Variants in ABI2 observed in about 807,000 individuals in gnomAD.
ABI2 encodes abelson interactor 2.
A neutral mutation model predicts 59.2 loss-of-function variants in ABI2; 25 were observed. The observed-to-expected ratio is 0.42, with a 90% confidence interval of 0.31 to 0.59. ABI2 has a LOEUF of 0.59. ABI2 is among the 20% of genes least tolerant of loss of function. ABI2 has a pLI of 0.14. For synonymous variants in ABI2, 213 were observed against 235.5 expected (o/e 0.90, Z 0.87); for missense variants, 545 against 681.8 (o/e 0.80, Z 2.23).
rs555096710 is a variant in ABI2 at position 203,394,900 on chromosome 2, C to G, written c.725+54C>G. The G allele has an allele frequency of 2.9e-5, 45 of 1,569,338 alleles. No individual in the cohort carries two copies. The African/African-American group carries it at 5.7e-4, about 20-fold the overall frequency. ...GATGGTCATAGTACCATAATCTGTTCAGATTACTTCAGGTAAATCTCTCAT... is the reference window on the plus strand; with the variant it reads ...GATGGTCATAGTACCATAATCTGTTGAGATTACTTCAGGTAAATCTCTCAT... On this transcript the variant is annotated intron_variant, in intron 6 of 11. Transcript: ENST00000261018.
intron 1 of ABI2, among the ~76,000 whole-genome samples, chr2:203,356,144 A>T (rs928784275): frequency 6.6e-6 from 1 of 151,992 alleles, no homozygotes; most frequent in Non-Finnish European, 1.5e-5. Flanking sequence ...CTGCACACTT[A>T]ATGAGTGCAG....
chr2:203,419,412 A>G (rs535351739), intron 11 of ABI2, among the ~76,000 whole-genome samples: 2 of 147,542 alleles, frequency 1.4e-5, no homozygotes, highest in East Asian at 4.1e-4. Flanking sequence ...TCTGTCGCCC[A>G]GGCTGGAGTG....
intron 5 of ABI2, among the ~76,000 whole-genome samples, chr2:203,393,102 A>C (rs868093045): frequency 5.9e-5 from 9 of 152,114 alleles, no homozygotes; most frequent in Non-Finnish European, 1.2e-4. Context: ...GTTGTACAAT[A>C]TTGGCTCACT....
At chr2:203,332,714 T>C (rs1215746763) in intron 1 of ABI2, among the ~76,000 whole-genome samples, 1 of 152,244 alleles carries the variant, frequency 6.6e-6, no homozygotes, top group Non-Finnish European at 1.5e-5. Flanking sequence ...ATCTACGTTT[T>C]TACAAATAGA....
rs769025104 is a variant in ABI2, at chr2:203,328,487, TGAG to T, written c.-10_-8del. 3,651 of 1,460,068 alleles carry T rather than the reference TGAG, an allele frequency of 2.5e-3. No individual in the cohort carries two copies. The highest frequency in any genetic ancestry group is 2.8e-3 in the Non-Finnish European group (2,953 of 1,066,086). The allele number at this position is 1,460,068 out of a possible 1,614,324, so 90.4% of individuals were successfully genotyped here. On this transcript the variant is annotated 5_prime_UTR_variant, in exon 1 of 12. In the 5' UTR this introduces an upstream ATG that the reference lacks. Transcript: ENST00000261018. ...GCCGCCGCTCCCTCTGCGACCTGTA[TGAG>T]GAGGAGGAGGAGGAGGATGTGAAGA...
chr2:203,395,181 A>T, intron 6 of ABI2: 1 of 690,456 alleles, frequency 1.4e-6, no homozygotes, highest in Non-Finnish European at 2.6e-6. Flanking sequence ...ATAAAACATT[A>T]ATATGGGATA....
intron 7 of ABI2, among the ~76,000 whole-genome samples, chr2:203,396,426 C>T (rs1021046446): frequency 7.9e-5 from 12 of 151,970 alleles, no homozygotes; most frequent in Non-Finnish European, 1.6e-4. Flanking sequence ...TTGTGTAATT[C>T]AAAATGGAAA....
chr2:203,399,669 C>T (rs2097143199), intron 8 of ABI2, among the ~76,000 whole-genome samples: 1 of 152,086 alleles, frequency 6.6e-6, no homozygotes, highest in Admixed American at 6.5e-5. Context: ...CACCCACCAC[C>T]ATGCCCAGCT....
intron 2 of ABI2, among the ~76,000 whole-genome samples, chr2:203,374,486 G>C (rs190678718): frequency 1.1e-4 from 14 of 132,428 alleles, no homozygotes; most frequent in Non-Finnish European, 2.0e-4. Flanking sequence ...GTGGCAAAGC[G>C]AGACTCTGTC....
intron 1 of ABI2, among the ~76,000 whole-genome samples, chr2:203,332,817 T>C (rs188258242): frequency 1.3e-5 from 2 of 152,320 alleles, no homozygotes; most frequent in African/African-American, 4.8e-5. Flanking sequence ...AGCCAACTTG[T>C]TGATATGTAC....
intron 5 of ABI2, 157 bp from the exon 6 acceptor site, chr2:203,394,543 G>A (rs2096896324): frequency 1.5e-6 from 1 of 655,566 alleles, no homozygotes; most frequent in Non-Finnish European, 2.6e-6. Flanking sequence ...TGGTGGAGAA[G>A]TGATACATTA....
chr2:203,376,262 A>G (rs1422549520), intron 2 of ABI2: 4 of 607,622 alleles, frequency 6.6e-6, no homozygotes, highest in Non-Finnish European at 8.4e-6. Context: ...GGGGAGTGCT[A>G]CAGTTATCTA....
Position 203,430,529 on chromosome 2 carries a change from A to G in ABI2, c.*3177A>G, listed in dbSNP as rs1025277108. 6.6e-6 allele frequency: 1 copy of G among 152,268 alleles called. No individual in the cohort carries two copies. The highest frequency in any genetic ancestry group is 1.5e-5 in the Non-Finnish European group (1 of 68,044). 9.4% of individuals were successfully genotyped at this position (152,268 alleles called of 1,614,324 possible). ...CCAAGGCAATAAATCAGAAACAAAAATAGTGCCAATGTGTCAAAATCGACA... is the reference window on the plus strand; with the variant it reads ...CCAAGGCAATAAATCAGAAACAAAAGTAGTGCCAATGTGTCAAAATCGACA... On this transcript the variant is annotated 3_prime_UTR_variant, in exon 12 of 12. Coordinates refer to ENST00000261018, the MANE Select transcript of ABI2 (RefSeq NM_001375670.1).
chr2:203,399,795 G>A (rs773397612), intron 8 of ABI2, among the ~76,000 whole-genome samples: 21 of 152,322 alleles, frequency 1.4e-4, no homozygotes, highest in Non-Finnish European at 1.0e-4. Context: ...GATTACAGGC[G>A]TGAGCCACTG....
chr2:203,336,707 A>G (rs1167527993), intron 1 of ABI2, among the ~76,000 whole-genome samples: 2 of 152,164 alleles, frequency 1.3e-5, no homozygotes, highest in African/African-American at 4.8e-5. Flanking sequence ...TGTATCTTTT[A>G]CTACTATTCC....
rs1457871959 is a variant in ABI2, at chr2:203,427,634, A to G, written c.*282A>G. 7.6e-6 allele frequency: 2 copies of G among 263,044 alleles called. No individual in the cohort carries two copies. Among genetic ancestry groups the G allele is most frequent in the African/African-American group, 4.3e-5 (2 of 46,254 alleles). The allele number at this position is 263,044 out of a possible 1,614,324, so 16.3% of individuals were successfully genotyped here. On this transcript the variant is annotated 3_prime_UTR_variant, in exon 12 of 12. Transcript: ENST00000261018. ...ATAACAGCATAACTGTGTAGCCAAAACAAAATCAGATTAAGACTGATTCAG... is the reference window on the plus strand; with the variant it reads ...ATAACAGCATAACTGTGTAGCCAAAGCAAAATCAGATTAAGACTGATTCAG...
At chr2:203,342,100 T>A (rs1217149965) in intron 1 of ABI2, 1 of 411,080 alleles carries the variant, frequency 2.4e-6, no homozygotes, top group East Asian at 7.3e-5. Context: ...TCCTCATTTC[T>A]TAGTGTTCAG....
At chr2:203,345,189 C>G (rs940093467) in intron 1 of ABI2, among the ~76,000 whole-genome samples, 9 of 152,158 alleles carry the variant, frequency 5.9e-5, no homozygotes, top group African/African-American at 1.9e-4. Flanking sequence ...AGCTTCACTC[C>G]TGAAGCCAGC....
intron 8 of ABI2, among the ~76,000 whole-genome samples, chr2:203,397,541 G>A (rs560632408): frequency 7.9e-5 from 12 of 152,270 alleles, no homozygotes; most frequent in Admixed American, 1.3e-4. Flanking sequence ...CAATTGCTAC[G>A]AAATATATTT....
Sources: gnomAD v4.1 joint callset for allele counts (sites outside exome capture counted in the v4.1 genomes callset) on GRCh38, gnomAD v4.1.1 for gene constraint, MANE v1.5 for transcripts, NCBI Gene and HGNC (gene_info 2026-07-23, HGNC 2026-07-21) for gene names.